TPD52L1: variants seen among roughly 807,000 people sequenced by gnomAD.
TPD52L1 encodes the protein TPD52 like 1, also known as tumor protein D53.
In TPD52L1, 18 loss-of-function variants were observed where a neutral mutation model predicts 28.7. The ratio of observed to expected loss-of-function variants is 0.63; its 90% CI spans 0.43 to 0.93. TPD52L1 has a LOEUF of 0.93. Among genes scored for constraint, TPD52L1 ranks in the 40% least tolerant of loss-of-function variants. The probability of loss-of-function intolerance (pLI) is 0.00; values close to 1 mark genes in which losing one functional copy is unlikely to be tolerated. For synonymous variants in TPD52L1, 75 were observed against 88.8 expected (o/e 0.84, Z 0.88); for missense variants, 203 against 254.8 (o/e 0.80, Z 1.39).
chr6:125,155,306 C>A (rs960722510), intron 1 of TPD52L1, among the ~76,000 whole-genome samples: 11 of 152,266 alleles, frequency 7.2e-5, no homozygotes, highest in Non-Finnish European at 1.3e-4. Flanking sequence ...TTTAGAGAGT[C>A]TTCATTACTG....
At chr6:125,212,946 T>A (rs1794616322) in intron 1 of TPD52L1, among the ~76,000 whole-genome samples, 1 of 152,220 alleles carries the variant, frequency 6.6e-6, no homozygotes, top group African/African-American at 2.4e-5. Flanking sequence ...AACGGAGAAG[T>A]GCAATTACTA....
chr6:125,204,483 A>ATT (rs112570367), intron 1 of TPD52L1, among the ~76,000 whole-genome samples: 1 of 148,362 alleles, frequency 6.7e-6, no homozygotes, highest in Non-Finnish European at 1.5e-5. Context: ...CAGATTTTTT[A>ATT]TTTTTATTTT....
At chr6:125,252,203 T>A in intron 4 of TPD52L1, 1 of 652,588 alleles carries the variant, frequency 1.5e-6, no homozygotes, top group Non-Finnish European at 2.6e-6. Context: ...ACTTAATACA[T>A]TTGAACTTAT....
chr6:125,179,600 T>C (rs1294284189), intron 1 of TPD52L1, among the ~76,000 whole-genome samples: 1 of 152,246 alleles, frequency 6.6e-6, no homozygotes, highest in Non-Finnish European at 1.5e-5. Context: ...TTCAGGATAA[T>C]ATGAGCGGTA....
chr6:125,171,479 T>G (rs1791293905), intron 1 of TPD52L1, among the ~76,000 whole-genome samples: 1 of 152,172 alleles, frequency 6.6e-6, no homozygotes, highest in East Asian at 1.9e-4. Flanking sequence ...ATTACATTAA[T>G]AAGACTTCGT....
At chr6:125,257,706 C>G (rs1440977270) in intron 6 of TPD52L1, among the ~76,000 whole-genome samples, 2 of 152,080 alleles carry the variant, frequency 1.3e-5, no homozygotes, top group Non-Finnish European at 2.9e-5. Flanking sequence ...TGCATTTCAT[C>G]CCTGGGTATA....
intron 5 of TPD52L1, among the ~76,000 whole-genome samples, chr6:125,256,892 T>C (rs1797637776): frequency 6.6e-6 from 1 of 152,262 alleles, no homozygotes; most frequent in Non-Finnish European, 1.5e-5. Context: ...TCATTTTACC[T>C]AGAAAAATTC....
chr6:125,258,835 ATGACTG>A (rs1797751742), intron 6 of TPD52L1, among the ~76,000 whole-genome samples: 1 of 152,012 alleles, frequency 6.6e-6, no homozygotes, highest in Admixed American at 6.6e-5. Context: ...CTATGCTTGT[ATGACTG>A]TTCATGGTTT....
chr6:125,245,224 A>G (rs1267823220), intron 3 of TPD52L1, among the ~76,000 whole-genome samples: 2 of 152,050 alleles, frequency 1.3e-5, no homozygotes, highest in Non-Finnish European at 1.5e-5. Flanking sequence ...ATGTGGACAG[A>G]CTCAGGACCT....
At chr6:125,235,718 T>G in intron 3 of TPD52L1, among the ~76,000 whole-genome samples, 1 of 152,232 alleles carries the variant, frequency 6.6e-6, no homozygotes, top group East Asian at 1.9e-4. Context: ...AAGTAATGTA[T>G]ATAAAATAGC....
rs1449149543 is a variant in TPD52L1 at position 125,153,923 on chromosome 6, C to A, written c.-29C>A. ...TGCTCTGGGAAGCACCAGGGTGTCC[C>A]CGCCGCCCTCAGCTCGAAGTCAGCC... On this transcript the variant is annotated 5_prime_UTR_variant, in exon 1 of 7. Transcript: ENST00000534000. 1 of 1,598,926 alleles carries A rather than the reference C, an allele frequency of 6.3e-7. No individual in the cohort carries two copies. The highest frequency in any genetic ancestry group is 2.3e-5 in the East Asian group (1 of 44,396).
At chr6:125,172,524 A>ATTATATATATATTATATATATAT (rs573060560) in intron 1 of TPD52L1, among the ~76,000 whole-genome samples, 962 of 76,434 alleles carry the variant, frequency 0.013, 24 homozygotes, top group Non-Finnish European at 0.016. Flanking sequence ...ATATATATAT[A>ATTATATATATATTATATATATAT]TATATATATA....
intron 1 of TPD52L1, among the ~76,000 whole-genome samples, chr6:125,171,004 G>C (rs1562206949): frequency 6.6e-6 from 1 of 152,164 alleles, no homozygotes; most frequent in Non-Finnish European, 1.5e-5. Flanking sequence ...CTCATCCCAA[G>C]AGATGACCAA....
At chr6:125,185,570 A>G (rs146050812) in intron 1 of TPD52L1, among the ~76,000 whole-genome samples, 365 of 152,250 alleles carry the variant, frequency 2.4e-3, no homozygotes, top group African/African-American at 8.3e-3. Flanking sequence ...TCTAGAAAAC[A>G]ATGAAAAGGA....
At chr6:125,193,520 T>G (rs954372507) in intron 1 of TPD52L1, among the ~76,000 whole-genome samples, 3 of 152,074 alleles carry the variant, frequency 2.0e-5, no homozygotes, top group African/African-American at 7.2e-5. Context: ...ATTATTGCCT[T>G]TGGTGCTCTC....
rs1182850832 is a variant in TPD52L1 at position 125,229,475 on chromosome 6, ACT to A, written c.284+212_284+213del. 2.6e-5 allele frequency among the ~76,000 whole-genome samples: 4 copies of A among 152,210 alleles called. No homozygotes were observed. The South Asian group carries it at 8.3e-4, about 32-fold the overall frequency. On this transcript the variant is annotated intron_variant, in intron 3 of 6. Transcript: ENST00000534000. ...CTATAAAGTAGCTTCATGAAATAAA[ACT>A]CTGTTCACTGAAACTCTATTTTCAC...
At chr6:125,206,111 G>A (rs1794116399) in intron 1 of TPD52L1, among the ~76,000 whole-genome samples, 1 of 152,154 alleles carries the variant, frequency 6.6e-6, no homozygotes, top group Admixed American at 6.5e-5. Flanking sequence ...GAGCATTGCA[G>A]ACATAATTTC....
chr6:125,171,416 G>A (rs1214870807), intron 1 of TPD52L1, among the ~76,000 whole-genome samples: 1 of 152,120 alleles, frequency 6.6e-6, no homozygotes, highest in Admixed American at 6.6e-5. Flanking sequence ...ACAGTAACTT[G>A]CTTCCAAACA....
intron 1 of TPD52L1, among the ~76,000 whole-genome samples, chr6:125,161,337 C>T (rs1790511452): frequency 6.6e-6 from 1 of 152,182 alleles, no homozygotes; most frequent in South Asian, 2.1e-4. Context: ...CAAACTTTCT[C>T]CCTATCAGCA....
Sources: allele counts gnomAD v4.1 joint callset (sites outside exome capture counted in the v4.1 genomes callset), GRCh38; gene constraint gnomAD v4.1.1; transcripts MANE v1.5; gene names NCBI Gene and HGNC (gene_info 2026-07-23, HGNC 2026-07-21).